Variants in ZNF195 observed in about 807,000 individuals in gnomAD.
ZNF195 encodes zinc finger protein 195, also known as hypoxia-regulated factor-1.
Under a neutral mutation model 19.5 loss-of-function variants are expected in ZNF195, and 11 were observed. That is an observed-to-expected ratio of 0.57 (90% confidence interval 0.36 to 0.94). The LOEUF is 0.94. Ranked by LOEUF, ZNF195 falls within the 40% of genes least tolerant of loss-of-function variation. The probability of loss-of-function intolerance (pLI) is 0.01; values close to 1 mark genes in which losing one functional copy is unlikely to be tolerated. For missense variants in ZNF195, 582 were observed against 709.0 expected (o/e 0.82, Z 2.03); for synonymous variants, 214 against 248.1 (o/e 0.86, Z 1.29).
At chr11:3,368,810 C>T (rs938420935) in intron 3 of ZNF195, 51 of 454,396 alleles carry the variant, frequency 1.1e-4, no homozygotes, top group Non-Finnish European at 1.8e-4. Flanking sequence ...CACAAGTTCA[C>T]GAAGAAGATA....
At chr11:3,375,918 G>A (rs1361236547) in intron 1 of ZNF195, among the ~76,000 whole-genome samples, 7 of 152,234 alleles carry the variant, frequency 4.6e-5, no homozygotes, top group Non-Finnish European at 7.3e-5. Context: ...GTGCTGGTGA[G>A]AGAGTTCCTG....
intron 1 of ZNF195, among the ~76,000 whole-genome samples, chr11:3,372,066 T>G (rs1330116344): frequency 6.6e-6 from 1 of 152,200 alleles, no homozygotes; most frequent in East Asian, 1.9e-4. Context: ...TGTGCAGATT[T>G]TGCTTCAGGA....
At position 3,358,165 on chromosome 11, in the gene ZNF195, T is replaced by A. The variant is rs2134675210; in HGVS notation, c.*953A>T. ...TTGTTATGCGAGGTGAACAGACATG[T>A]TAACCGCATCCTGTAACTGTCTGCA... On this transcript the variant is annotated 3_prime_UTR_variant, in exon 6 of 6. Transcript: ENST00000399602. The A allele has an allele frequency of 6.6e-6, 1 of 152,180 alleles. No individual in the cohort carries two copies. The highest frequency in any genetic ancestry group is 6.5e-5 in the Admixed American group (1 of 15,292). The allele number at this position is 152,180 out of a possible 1,614,324, so 9.4% of individuals were successfully genotyped here.
rs184196174 is a variant in ZNF195 at position 3,369,451 on chromosome 11, A to T, written c.226+1524T>A. On this transcript the variant is annotated intron_variant, in intron 3 of 5. Coordinates refer to ENST00000399602, the MANE Select transcript of ZNF195 (RefSeq NM_001130520.3). The stretch of plus-strand genomic sequence containing the variant: ...TTATCTGCTCCCTCATGTTCACTGC[A>T]GCATTATTCACAATTGTCAAGATAT... 7 of 449,284 alleles carry T rather than the reference A, an allele frequency of 1.6e-5. No individual in the cohort carries two copies. The Admixed American group carries it at 1.7e-4, about 11-fold the overall frequency. The allele number at this position is 449,284 out of a possible 1,614,324, so 27.8% of individuals were successfully genotyped here. A position where few individuals can be genotyped will look rare whatever the true frequency, so the allele number is the denominator to read the frequency against.
At chr11:3,378,952 C>G (rs1849613341) in intron 1 of ZNF195, 86 bp downstream of exon 1, 16 of 1,304,110 alleles carry the variant, frequency 1.2e-5, no homozygotes, top group Non-Finnish European at 1.5e-5. Flanking sequence ...GGAACCCACC[C>G]GGGCAGCCCG....
At chr11:3,373,544 G>C (rs747605747) in intron 1 of ZNF195, 74 of 1,501,550 alleles carry the variant, frequency 4.9e-5, no homozygotes, top group Non-Finnish European at 1.4e-5. Context: ...AGGAGCAAAA[G>C]TGGACACAAC....
chr11:3,371,471 C>G (rs1849208315), intron 2 of ZNF195, 106 bp downstream of exon 2: 1 of 1,439,826 alleles, frequency 6.9e-7, no homozygotes, highest in Non-Finnish European at 9.6e-7. Flanking sequence ...AAGCAGGGAT[C>G]TGAAACTCAT....
chr11:3,370,840 A>C (rs1398598943), intron 3 of ZNF195, 135 bp downstream of exon 3: 1 of 785,256 alleles, frequency 1.3e-6, no homozygotes, highest in African/African-American at 1.7e-5. Context: ...AGGGTACAGC[A>C]AGAGAAAGAC....
Position 3,359,648 on chromosome 11 carries a change from TGA to T in ZNF195, c.1358_1359del (p.Leu453GlnfsTer2). The T allele has an allele frequency of 6.2e-7, 1 of 1,614,180 alleles. No individual in the cohort carries two copies. The highest frequency in any genetic ancestry group is 8.5e-7 in the Non-Finnish European group (1 of 1,180,008). On this transcript the variant is annotated frameshift_variant, in exon 6 of 6. Transcript: ENST00000399602. LOFTEE classifies it low-confidence loss of function (END_TRUNC). This position sits in a 1 kb window ranked among gnomAD's most constrained non-coding sequence, Gnocchi z 5.5. ...CCGGTGTGAATCCTCCTGTGTTCAC[TGA>T]GGTGTGAGGACTGTGTATAGGCTTT... ...CGKAYTQSSH[L>X]SEHRRIHTGE...
intron 1 of ZNF195, among the ~76,000 whole-genome samples, chr11:3,375,979 ACCTT>A (rs1221282531): frequency 1.3e-5 from 2 of 152,152 alleles, no homozygotes; most frequent in African/African-American, 4.8e-5. Context: ...GATAGTTGCT[ACCTT>A]CTCCCTGTTG....
intron 1 of ZNF195, among the ~76,000 whole-genome samples, chr11:3,374,861 C>T (rs559959536): frequency 2.0e-5 from 3 of 152,296 alleles, no homozygotes; most frequent in African/African-American, 4.8e-5. Context: ...ACTATTAGAC[C>T]CACAGGACTG....
In ZNF195 at chr11:3,359,109, A is replaced by AT. The variant is rs371443966; in HGVS notation, c.*8dup. 2.6e-6 allele frequency: 4 copies of AT among 1,530,798 alleles called. No homozygotes were observed. Among genetic ancestry groups the AT allele is most frequent in the African/African-American group, 2.8e-5 (2 of 71,764 alleles). The allele number at this position is 1,530,798 out of a possible 1,614,324, so 94.8% of individuals were successfully genotyped here. A position where few individuals can be genotyped will look rare whatever the true frequency, so the allele number is the denominator to read the frequency against. Reference sequence around the variant, plus strand: ...GCTTTGCCTATTTTTATATTTGTTTATTTTTTTCTCAAGTATGAATGCTTT... The same window carrying AT: ...GCTTTGCCTATTTTTATATTTGTTTATTTTTTTTCTCAAGTATGAATGCTTT... On this transcript the variant is annotated 3_prime_UTR_variant, in exon 6 of 6. Transcript: ENST00000399602. The surrounding 1 kb of genome is among the most constrained non-coding windows in gnomAD (Gnocchi z 5.5).
At chr11:3,368,959 A>T (rs938012441) in intron 3 of ZNF195, 2 of 420,850 alleles carry the variant, frequency 4.8e-6, no homozygotes, top group Non-Finnish European at 9.6e-6. Context: ...TAAAACATGT[A>T]TCCTTAAAAA....
chr11:3,362,826 C>T, intron 3 of ZNF195: 1 of 265,562 alleles, frequency 3.8e-6, no homozygotes, highest in Middle Eastern at 1.0e-3. Context: ...GATCAAACTA[C>T]AGCTGACCTA....
chr11:3,378,035 C>A (rs532765185), intron 1 of ZNF195: 2 of 706,722 alleles, frequency 2.8e-6, no homozygotes, highest in South Asian at 1.3e-4. Flanking sequence ...CCAGGCTGGG[C>A]GCAGTGGCTC....
At chr11:3,374,903 C>T (rs1484763715) in intron 1 of ZNF195, among the ~76,000 whole-genome samples, 2 of 152,218 alleles carry the variant, frequency 1.3e-5, no homozygotes, top group Non-Finnish European at 2.9e-5. Context: ...ATGTCTCTAA[C>T]AGCGCTGGTG....
At chr11:3,373,134 G>A (rs899365181) in intron 1 of ZNF195, among the ~76,000 whole-genome samples, 4 of 152,196 alleles carry the variant, frequency 2.6e-5, no homozygotes, top group Non-Finnish European at 4.4e-5. Flanking sequence ...GTTATTCTGA[G>A]AGATAAATGT....
At chr11:3,369,539 T>C (rs1020103933) in intron 3 of ZNF195, 2 of 445,966 alleles carry the variant, frequency 4.5e-6, no homozygotes, top group Non-Finnish European at 4.5e-6. Context: ...AAATAGACAA[T>C]AGAATATTAC....
intron 3 of ZNF195, chr11:3,366,829 C>A: frequency 2.4e-6 from 1 of 409,396 alleles, no homozygotes. Flanking sequence ...CTTCGGGAGA[C>A]CGAGGCGGGT....
Sources: gnomAD v4.1 joint callset for allele counts (sites outside exome capture counted in the v4.1 genomes callset) on GRCh38, gnomAD v4.1.1 for gene constraint, Gnocchi (gnomAD v3.1) non-coding constraint, MANE v1.5 for transcripts, NCBI Gene and HGNC (gene_info 2026-07-23, HGNC 2026-07-21) for gene names.